The following RPH3A variants were observed in gnomAD, a reference collection of about 807,000 sequenced individuals.
RPH3A encodes rabphilin 3A.
Under a neutral mutation model 102.2 loss-of-function variants are expected in RPH3A, and 48 were observed. The ratio of observed to expected loss-of-function variants is 0.47; its 90% CI spans 0.37 to 0.60. RPH3A has a LOEUF of 0.60. Among genes scored for constraint, RPH3A ranks in the 20% least tolerant of loss-of-function variants. The pLI is 0.00. For synonymous variants in RPH3A, 310 were observed against 324.3 expected (o/e 0.96, Z 0.47); for missense variants, 781 against 910.1 (o/e 0.86, Z 1.83).
intron 1 of RPH3A, among the ~76,000 whole-genome samples, chr12:112,747,519 T>G (rs1461256972): frequency 6.6e-6 from 1 of 152,140 alleles, no homozygotes; most frequent in Non-Finnish European, 1.5e-5. Context: ...TTAATGACAT[T>G]TCTATGACTA....
intron 1 of RPH3A, among the ~76,000 whole-genome samples, chr12:112,586,782 C>T (rs761459015): frequency 6.6e-5 from 10 of 152,144 alleles, no homozygotes; most frequent in Non-Finnish European, 1.5e-4. Flanking sequence ...AGGCATAGAG[C>T]GATGAAGACA....
At chr12:112,702,992 A>C (rs1803083945) in intron 1 of RPH3A, among the ~76,000 whole-genome samples, 1 of 152,060 alleles carries the variant, frequency 6.6e-6, no homozygotes, top group South Asian at 2.1e-4. Flanking sequence ...GGGCCACATG[A>C]CTTGCTCTAG....
chr12:112,818,905 C>A (rs148934549), intron 2 of RPH3A, among the ~76,000 whole-genome samples: 62 of 152,210 alleles, frequency 4.1e-4, no homozygotes, highest in African/African-American at 1.4e-3. Flanking sequence ...CCCAGCTCTG[C>A]CCTCAAATAA....
At chr12:112,809,707 G>A (rs1157686470) in intron 2 of RPH3A, among the ~76,000 whole-genome samples, 1 of 152,162 alleles carries the variant, frequency 6.6e-6, no homozygotes, top group Non-Finnish European at 1.5e-5. Flanking sequence ...CAGAGGTTAA[G>A]GAACTTGCTG....
intron 1 of RPH3A, among the ~76,000 whole-genome samples, chr12:112,712,607 G>C (rs533788657): frequency 6.6e-6 from 1 of 151,950 alleles, no homozygotes; most frequent in Non-Finnish European, 1.5e-5. Flanking sequence ...CTCATGCCCC[G>C]ACCAGAGGTA....
rs559558988 is a variant in RPH3A, at chr12:112,662,692, T to C, written c.-140+87373T>C. On this transcript the variant is annotated intron_variant, in intron 1 of 21. Coordinates refer to the RPH3A transcript ENST00000543106. The stretch of plus-strand genomic sequence containing the variant: ...TCTGAGTGAGTTCAGTACCAAAGCA[T>C]TGTGGCAGGGAAGCAGCCATAGACA... Among the ~76,000 whole-genome samples the C allele has an allele frequency of 5.3e-5, 8 of 152,104 alleles. No homozygotes were observed. In the South Asian group the frequency reaches 8.3e-4, roughly 16 times the overall value.
intron 1 of RPH3A, among the ~76,000 whole-genome samples, chr12:112,688,595 A>G (rs1402536846): frequency 6.6e-6 from 1 of 152,210 alleles, no homozygotes; most frequent in Non-Finnish European, 1.5e-5. Flanking sequence ...GCTTAAAAAT[A>G]TGAATCCTGA....
intron 1 of RPH3A, among the ~76,000 whole-genome samples, chr12:112,625,209 C>A (rs2039761975): frequency 1.7e-5 from 1 of 57,220 alleles, no homozygotes; most frequent in Non-Finnish European, 3.1e-5. Context: ...CTGGCCAGGG[C>A]AATCAGGCAG....
chr12:112,790,727 A>C (rs1040434790), upstream of RPH3A, among the ~76,000 whole-genome samples: 4 of 152,176 alleles, frequency 2.6e-5, no homozygotes, highest in African/African-American at 9.6e-5. Context: ...TCAGAAAGCC[A>C]GTCTGGATCT....
chr12:112,892,534 C>T (rs986316907), intron 19 of RPH3A, among the ~76,000 whole-genome samples: 1 of 152,214 alleles, frequency 6.6e-6, no homozygotes, highest in African/African-American at 2.4e-5. Context: ...CTGCATTTCC[C>T]AGAAATGGGG....
intron 2 of RPH3A, among the ~76,000 whole-genome samples, chr12:112,816,256 G>A (rs1394839354): frequency 6.6e-6 from 1 of 152,202 alleles, no homozygotes; most frequent in Non-Finnish European, 1.5e-5. Flanking sequence ...AGTGGGTCAT[G>A]TAAGATCCTG....
At chr12:112,725,851 G>A (rs77566919) in intron 1 of RPH3A, among the ~76,000 whole-genome samples, 115,435 of 150,796 alleles carry the variant, frequency 0.77, 45,105 homozygotes, top group African/African-American at 0.92. Context: ...GCTGGAGTGC[G>A]GTGATGCGAT....
At chr12:112,577,592 G>C (rs1694163282) in intron 1 of RPH3A, among the ~76,000 whole-genome samples, 1 of 152,210 alleles carries the variant, frequency 6.6e-6, no homozygotes, top group South Asian at 2.1e-4. Flanking sequence ...CTGTGACTTA[G>C]AATGCCTTAA....
chr12:112,649,149 T>C (rs1811399482), intron 1 of RPH3A, among the ~76,000 whole-genome samples: 1 of 152,232 alleles, frequency 6.6e-6, no homozygotes, highest in African/African-American at 2.4e-5. Context: ...TATTTATTTG[T>C]GTGGTTCTTT....
intron 1 of RPH3A, among the ~76,000 whole-genome samples, chr12:112,655,985 C>A (rs556737232): frequency 6.6e-6 from 1 of 152,254 alleles, no homozygotes; most frequent in East Asian, 1.9e-4. Context: ...GCCTAGTGAG[C>A]AACAACCATC....
At chr12:112,612,254 A>C (rs2039644847) in intron 1 of RPH3A, among the ~76,000 whole-genome samples, 1 of 152,170 alleles carries the variant, frequency 6.6e-6, no homozygotes, top group Non-Finnish European at 1.5e-5. Flanking sequence ...AAATGAGTCC[A>C]TGTGCTTCTT....
At chr12:112,859,935 T>A (rs1269702759) in intron 5 of RPH3A, among the ~76,000 whole-genome samples, 1 of 152,204 alleles carries the variant, frequency 6.6e-6, no homozygotes, top group Non-Finnish European at 1.5e-5. Flanking sequence ...GATCCATAGC[T>A]GAGAAGGTTT....
At chr12:112,697,233 A>G (rs1312829861) in intron 1 of RPH3A, among the ~76,000 whole-genome samples, 1 of 152,228 alleles carries the variant, frequency 6.6e-6, no homozygotes, top group Non-Finnish European at 1.5e-5. Context: ...TAAGGAATCT[A>G]TTAGAAAAAT....
chr12:112,815,939 C>A (rs1479895979), intron 2 of RPH3A, among the ~76,000 whole-genome samples: 1 of 152,102 alleles, frequency 6.6e-6, no homozygotes, highest in East Asian at 1.9e-4. Flanking sequence ...ATTGGCTGGA[C>A]CATGCAGGGA....
Sources: gnomAD v4.1 joint callset for allele counts (sites outside exome capture counted in the v4.1 genomes callset) on GRCh38, gnomAD v4.1.1 for gene constraint, MANE v1.5 for transcripts, NCBI Gene and HGNC (gene_info 2026-07-23, HGNC 2026-07-21) for gene names.